ZC3H7A: variants seen among roughly 807,000 people sequenced by gnomAD.
ZC3H7A encodes zinc finger CCCH-type containing 7A.
Under a neutral mutation model 125.5 loss-of-function variants are expected in ZC3H7A, and 44 were observed. The observed-to-expected ratio is 0.35, with a 90% CI of 0.28 to 0.45. The LOEUF (loss-of-function observed/expected upper bound fraction) is 0.45, where lower values mean the gene tolerates loss of function less well. ZC3H7A is among the 20% of genes least tolerant of loss of function. The pLI, the probability that ZC3H7A is intolerant of heterozygous loss-of-function variation, is 1.00. For missense variants in ZC3H7A, 977 were observed against 1,170.7 expected (o/e 0.83, Z 2.41); for synonymous variants, 399 against 391.2 (o/e 1.02, Z -0.23).
At chr16:11,791,852 A>G (rs1045739154) in intron 1 of ZC3H7A, among the ~76,000 whole-genome samples, 1 of 152,198 alleles carries the variant, frequency 6.6e-6, no homozygotes, top group Admixed American at 6.5e-5. Flanking sequence ...TACAATGACA[A>G]GTTTCACTGA....
intron 19 of ZC3H7A, among the ~76,000 whole-genome samples, chr16:11,760,538 T>A (rs932771995): frequency 6.6e-6 from 1 of 152,182 alleles, no homozygotes; most frequent in Non-Finnish European, 1.5e-5. Flanking sequence ...TACATCTACC[T>A]CTTCTTCAAC....
rs2052758106 is a variant in ZC3H7A, at chr16:11,761,858, C to A, written c.2213+52G>T. 2.5e-6 allele frequency: 4 copies of A among 1,599,482 alleles called. No homozygotes were observed. In the African/African-American group the frequency reaches 4.1e-5, roughly 16 times the overall value. On this transcript the variant is annotated intron_variant, in intron 18 of 22. Transcript: ENST00000355758. ...TTTGCTTATGTGTATAATTTTATAC[C>A]TACGAAACAGAAAATTACAAAATAG...
intron 9 of ZC3H7A, among the ~76,000 whole-genome samples, chr16:11,771,456 G>A (rs557923855): frequency 2.0e-5 from 3 of 151,194 alleles, no homozygotes; most frequent in Non-Finnish European, 2.9e-5. Flanking sequence ...TTTAGCTACA[G>A]AACTTCTTTT....
intron 19 of ZC3H7A, among the ~76,000 whole-genome samples, chr16:11,760,459 C>G (rs2052734987): frequency 6.6e-6 from 1 of 152,208 alleles, no homozygotes; most frequent in Non-Finnish European, 1.5e-5. Context: ...CTACCAACGC[C>G]TTGAAAAGGC....
intron 4 of ZC3H7A, among the ~76,000 whole-genome samples, chr16:11,777,314 C>T (rs1179533399): frequency 6.6e-6 from 1 of 152,144 alleles, no homozygotes. Context: ...GAATATATTA[C>T]CCAAAACAAA....
intron 20 of ZC3H7A, 147 bp downstream of exon 20, chr16:11,758,284 T>C (rs1415940544): frequency 7.4e-6 from 5 of 671,794 alleles, no homozygotes; most frequent in South Asian, 3.3e-5. Context: ...TTTCCAGGCA[T>C]CATCGCCAAC....
chr16:11,753,714 T>A (rs2052589318), intron 21 of ZC3H7A: 2 of 152,232 alleles, frequency 1.3e-5, no homozygotes, highest in African/African-American at 2.4e-5. Context: ...AGTGATGCGA[T>A]CTTGGCTCAC....
intron 4 of ZC3H7A, 74 bp from the exon 5 acceptor site, chr16:11,776,983 A>G: frequency 7.8e-7 from 1 of 1,289,512 alleles, no homozygotes; most frequent in Non-Finnish European, 1.0e-6. Flanking sequence ...TCCTGTAATA[A>G]AAACAAATTA....
At chr16:11,781,366 A>C in intron 3 of ZC3H7A, 59 bp downstream of exon 3, 1 of 1,553,038 alleles carries the variant, frequency 6.4e-7, no homozygotes. Context: ...CCCCTGCTAC[A>C]AATTACAGTT....
chr16:11,777,001 A>C, intron 4 of ZC3H7A, 92 bp from the exon 5 acceptor site: 1 of 1,024,598 alleles, frequency 9.8e-7, no homozygotes, highest in Non-Finnish European at 1.4e-6. Context: ...TTAATACCCC[A>C]TCCTATTACC....
At chr16:11,758,619 G>A (rs1487556490) in intron 19 of ZC3H7A, 80 bp from the exon 20 acceptor site, 3 of 962,918 alleles carry the variant, frequency 3.1e-6, no homozygotes, top group Non-Finnish European at 3.2e-6. Context: ...AGCAAAAGAA[G>A]CATTATTATC....
intron 20 of ZC3H7A, among the ~76,000 whole-genome samples, chr16:11,757,483 C>CAAAAA (rs61471026): frequency 4.9e-5 from 2 of 40,968 alleles, no homozygotes; most frequent in African/African-American, 8.6e-5. Context: ...GACTCTGTCT[C>CAAAAA]AAAAAAAAAA....
At chr16:11,766,976 A>G (rs1027134291) in intron 13 of ZC3H7A, among the ~76,000 whole-genome samples, 1 of 152,178 alleles carries the variant, frequency 6.6e-6, no homozygotes, top group Non-Finnish European at 1.5e-5. Context: ...AACATTTTTT[A>G]TAACAGTCAA....
intron 21 of ZC3H7A, among the ~76,000 whole-genome samples, chr16:11,754,291 CAAA>C (rs71136680): frequency 2.1e-5 from 1 of 46,582 alleles, no homozygotes; most frequent in Non-Finnish European, 4.0e-5. Flanking sequence ...GACCCTGTCT[CAAA>C]AAAAAAAAAA....
intron 20 of ZC3H7A, among the ~76,000 whole-genome samples, chr16:11,756,953 A>G (rs2052659396): frequency 6.6e-6 from 1 of 151,536 alleles, no homozygotes; most frequent in Admixed American, 6.6e-5. Context: ...GTTGCTTCCT[A>G]TGGTAAGAAC....
chr16:11,769,784 C>CT (rs200241879), intron 10 of ZC3H7A, among the ~76,000 whole-genome samples: 932 of 61,542 alleles, frequency 0.015, 61 homozygotes, highest in Non-Finnish European at 0.018. Context: ...CAATTGCTTT[C>CT]TTTTTTTTTT....
In ZC3H7A at chr16:11,782,312, T is replaced by G; in HGVS notation, c.43A>C (p.Ile15Leu). 6.2e-7 allele frequency: 1 copy of G among 1,614,228 alleles called. No homozygotes were observed. The highest frequency in any genetic ancestry group is 1.7e-5 in the Admixed American group (1 of 60,014). ...TGTATAAACTGCAGTCCTTCCTTAA[T>G]GTTCTGCTGCCTTTTTCTTCTCTCC... Reference protein sequence around the residue: ...SEERRKRQQNIKEGLQFIQSP... With the variant: ...SEERRKRQQNLKEGLQFIQSP... Residue 15 changes from isoleucine (I) to leucine (L), a missense_variant, in exon 2 of 23, where the codon ATT becomes CTT. Ile to Leu is a conservative substitution (Grantham distance 5, BLOSUM62 2). Coordinates refer to ENST00000355758, the MANE Select transcript of ZC3H7A (RefSeq NM_014153.4).
chr16:11,789,485 C>T (rs575004999), intron 1 of ZC3H7A, among the ~76,000 whole-genome samples: 1 of 152,144 alleles, frequency 6.6e-6, no homozygotes, highest in Admixed American at 6.6e-5. Context: ...AACTCCTGAC[C>T]TCAGGTGATC....
chr16:11,790,747 C>T (rs2053336421), intron 1 of ZC3H7A, among the ~76,000 whole-genome samples: 1 of 151,958 alleles, frequency 6.6e-6, no homozygotes, highest in South Asian at 2.1e-4. Context: ...TCATGTTGGT[C>T]CAGCTGGTCT....
Sources: allele counts gnomAD v4.1 joint callset (sites outside exome capture counted in the v4.1 genomes callset), GRCh38; gene constraint gnomAD v4.1.1; transcripts MANE v1.5; gene names NCBI Gene and HGNC (gene_info 2026-07-23, HGNC 2026-07-21).